TAF1B: variants seen among roughly 807,000 people sequenced by gnomAD.
TAF1B encodes the protein TATA box-binding protein-associated factor RNA polymerase I subunit B.
Under a neutral mutation model 83.9 loss-of-function variants are expected in TAF1B, and 61 were observed. That is an observed-to-expected ratio of 0.73 (90% CI 0.59 to 0.90). The LOEUF is 0.90. TAF1B is among the 40% of genes least tolerant of loss of function. The pLI is 0.00. For missense variants in TAF1B, 625 were observed against 677.0 expected (o/e 0.92, Z 0.85); for synonymous variants, 221 against 224.6 (o/e 0.98, Z 0.14).
chr2:9,911,434 C>T, intron 10 of TAF1B, 77 bp from the exon 11 acceptor site: 2 of 1,168,432 alleles, frequency 1.7e-6, no homozygotes, highest in Non-Finnish European at 1.2e-6. Flanking sequence ...CTACACTTTT[C>T]TCTCAGAAGA....
At chr2:9,883,816 A>G (rs918426381) in intron 8 of TAF1B, among the ~76,000 whole-genome samples, 15 of 152,234 alleles carry the variant, frequency 9.9e-5, no homozygotes. Context: ...GCCCCTGAAT[A>G]TTTTGTAAAA....
At chr2:9,854,294 ATCAC>A (rs1663489436) in intron 4 of TAF1B, 28 bp from the exon 5 acceptor site, 1 of 1,524,424 alleles carries the variant, frequency 6.6e-7, no homozygotes. Flanking sequence ...CATAACCTGA[ATCAC>A]CCACCACTCA....
chr2:9,889,001 C>T (rs1185274519), intron 8 of TAF1B, among the ~76,000 whole-genome samples: 1 of 151,540 alleles, frequency 6.6e-6, no homozygotes, highest in East Asian at 1.9e-4. Flanking sequence ...GGGGTTTCAC[C>T]ATGTGGGCCA....
In TAF1B at chr2:9,919,603, G is replaced by C. The variant is rs150986511; in HGVS notation, c.1348G>C (p.Val450Leu). 1 of 1,613,010 alleles carries C rather than the reference G, an allele frequency of 6.2e-7. No homozygotes were observed. Among genetic ancestry groups the C allele is most frequent in the African/African-American group, 1.3e-5 (1 of 74,850 alleles). The stretch of plus-strand genomic sequence containing the variant: ...CTTTTTTTCTCCGGTTCCAGAAATG[G>C]TGGTGAATCTACAGAAACAATTTAG... ...KPVAYKKREM[V>L]VNLQKQFSTL... The change falls in exon 14 of 15, where the codon GTG (valine) becomes CTG (leucine). Residue 450 changes from valine (V) to leucine (L), a missense_variant. Coordinates refer to ENST00000263663, the MANE Select transcript of TAF1B (RefSeq NM_005680.3).
intron 8 of TAF1B, among the ~76,000 whole-genome samples, chr2:9,889,820 AG>A (rs1416587673): frequency 1.3e-5 from 2 of 152,154 alleles, no homozygotes; most frequent in African/African-American, 4.8e-5. Context: ...CTCACTACTA[AG>A]GCGTATCCCT....
chr2:9,862,685 A>T lies in TAF1B; in HGVS notation c.400-5591A>T, dbSNP rs533016190. ...AAATGAAGGAAAACATGTTAAGGGCAGCCAGAGAGAAAGGTCGGGTTACCC... is the reference window on the plus strand; with the variant it reads ...AAATGAAGGAAAACATGTTAAGGGCTGCCAGAGAGAAAGGTCGGGTTACCC... On this transcript the variant is annotated intron_variant, in intron 5 of 14. Coordinates refer to ENST00000263663, the MANE Select transcript of TAF1B (RefSeq NM_005680.3). 6.6e-5 allele frequency among the ~76,000 whole-genome samples: 10 copies of T among 152,366 alleles called. No homozygotes were observed. In the East Asian group the frequency reaches 1.9e-3, roughly 29 times the overall value.
intron 3 of TAF1B, among the ~76,000 whole-genome samples, chr2:9,849,950 C>T (rs555350452): frequency 2.0e-5 from 3 of 151,936 alleles, no homozygotes; most frequent in Admixed American, 2.0e-4. Context: ...AAGTTTGAAA[C>T]CAGGCTGATG....
chr2:9,891,245 G>A (rs1353394103), intron 8 of TAF1B, among the ~76,000 whole-genome samples: 1 of 152,224 alleles, frequency 6.6e-6, no homozygotes, highest in East Asian at 1.9e-4. Flanking sequence ...TTACTTGTGT[G>A]TTTGTGGTGA....
At chr2:9,919,401 A>G (rs1372308811) in intron 13 of TAF1B, among the ~76,000 whole-genome samples, 197 bp from the exon 14 acceptor site, 2 of 152,172 alleles carry the variant, frequency 1.3e-5, no homozygotes, top group African/African-American at 4.8e-5. Context: ...TAGACTGTAC[A>G]TTCTTTTTGA....
Position 9,919,092 on chromosome 2 carries a change from A to G in TAF1B, c.1323A>G (p.Pro441=), listed in dbSNP as rs774115365. The change falls in exon 13 of 15, where the codon CCA becomes CCG. Residue 441 remains proline (P), a synonymous_variant. Transcript: ENST00000263663. ...TCTACTACTCATTTGTCGACAAACC[A>G]GTAGCATATAAAAAAAGAGGTAAGT... is the stretch of plus-strand genomic sequence containing the variant. ...KPLYYSFVDK[P]VAYKKREMVV... The G allele has an allele frequency of 1.5e-5, 24 of 1,614,058 alleles. No individual in the cohort carries two copies. The highest frequency in any genetic ancestry group is 1.4e-5 in the Non-Finnish European group (17 of 1,180,028).
intron 5 of TAF1B, among the ~76,000 whole-genome samples, chr2:9,865,752 A>G (rs1252747412): frequency 2.0e-5 from 3 of 151,754 alleles, no homozygotes; most frequent in Non-Finnish European, 4.4e-5. Context: ...AGACCAATGG[A>G]ACAGAACAGA....
chr2:9,907,080 G>A (rs1052944405), intron 9 of TAF1B, among the ~76,000 whole-genome samples: 5 of 151,544 alleles, frequency 3.3e-5, no homozygotes, highest in Non-Finnish European at 7.4e-5. Context: ...TAGAGATGAG[G>A]TCTTGCCATG....
rs757864229 is a variant in TAF1B, at chr2:9,845,327, CAA to C, written c.117+11_117+12del. The C allele has an allele frequency of 3.5e-5, 56 of 1,606,956 alleles. No homozygotes were observed. The highest frequency in any genetic ancestry group is 4.1e-5 in the Non-Finnish European group (48 of 1,173,950). On this transcript the variant is annotated intron_variant, in intron 2 of 14. Coordinates refer to ENST00000263663, the MANE Select transcript of TAF1B (RefSeq NM_005680.3). ...GCCACAATGTTACAGAGGTAAGTAA[CAA>C]ATATCATTTATGAATTTGCTTATGT...
chr2:9,859,006 T>C (rs1282076027), intron 5 of TAF1B, among the ~76,000 whole-genome samples: 5 of 152,224 alleles, frequency 3.3e-5, no homozygotes, highest in Non-Finnish European at 7.3e-5. Context: ...TATAGCCGGC[T>C]TGAATTTTCT....
At chr2:9,887,272 TTA>T (rs1158970217) in intron 8 of TAF1B, among the ~76,000 whole-genome samples, 1 of 152,184 alleles carries the variant, frequency 6.6e-6, no homozygotes, top group Non-Finnish European at 1.5e-5. Flanking sequence ...GTGAAATGAG[TTA>T]TGTTTACTTG....
intron 7 of TAF1B, among the ~76,000 whole-genome samples, chr2:9,880,564 C>G (rs1664473993): frequency 6.6e-6 from 1 of 151,536 alleles, no homozygotes; most frequent in Admixed American, 6.6e-5. Flanking sequence ...TTCTGCTTCC[C>G]CTAGTCAGGT....
chr2:9,890,778 A>AT (rs957561435), intron 8 of TAF1B, among the ~76,000 whole-genome samples: 9 of 151,608 alleles, frequency 5.9e-5, no homozygotes, highest in African/African-American at 9.7e-5. Context: ...CTCTTATTTT[A>AT]TTTTTTTTGG....
chr2:9,895,362 G>A (rs1238014763), intron 8 of TAF1B, among the ~76,000 whole-genome samples: 1 of 152,160 alleles, frequency 6.6e-6, no homozygotes, highest in Admixed American at 6.5e-5. Flanking sequence ...TTAGCCGGGC[G>A]TGGCGGCACC....
chr2:9,844,354 C>T (rs894707760), intron 1 of TAF1B: 2 of 151,786 alleles, frequency 1.3e-5, no homozygotes, highest in African/African-American at 4.9e-5. Flanking sequence ...GCAGGGGTCT[C>T]GCTATGTTGT....
Sources: allele counts gnomAD v4.1 joint callset (sites outside exome capture counted in the v4.1 genomes callset), GRCh38; gene constraint gnomAD v4.1.1; transcripts MANE v1.5; gene names NCBI Gene and HGNC (gene_info 2026-07-23, HGNC 2026-07-21).